The following XXYLT1 variants were observed in gnomAD, a reference collection of about 807,000 sequenced individuals.
XXYLT1 encodes the protein xyloside xylosyltransferase 1.
A neutral mutation model predicts 28.9 loss-of-function variants in XXYLT1; 20 were observed. That is an observed-to-expected ratio of 0.69 (90% CI 0.49 to 1.00). The LOEUF (loss-of-function observed/expected upper bound fraction) is 1.00, where lower values mean the gene tolerates loss of function less well. Among genes scored for constraint, XXYLT1 ranks in the 50% least tolerant of loss-of-function variants. The pLI is 0.00. For synonymous variants in XXYLT1, 257 were observed against 253.8 expected (o/e 1.01, Z -0.12); for missense variants, 542 against 560.1 (o/e 0.97, Z 0.33).
rs371282796 is a variant in XXYLT1 at position 195,108,000 on chromosome 3, T to A, written c.786-37889A>T. Among the ~76,000 whole-genome samples the A allele has an allele frequency of 2.0e-4, 31 of 152,308 alleles. No homozygotes were observed. In the East Asian group the frequency reaches 3.5e-3, roughly 17 times the overall value. ...ACACAACTCTGATGCCATTCGGCTC[T>A]CATGCAGTTGAACCGTGTCAGATGA... On this transcript the variant is annotated intron_variant, in intron 3 of 3. Coordinates refer to ENST00000310380, the MANE Select transcript of XXYLT1 (RefSeq NM_152531.5).
chr3:195,270,949 G>C lies in XXYLT1; in HGVS notation c.110C>G (p.Ala37Gly). 6.7e-7 allele frequency: 1 copy of C among 1,488,934 alleles called. No homozygotes were observed. The highest frequency in any genetic ancestry group is 8.9e-7 in the Non-Finnish European group (1 of 1,121,960). The allele number at this position is 1,488,934 out of a possible 1,614,324, so 92.2% of individuals were successfully genotyped here. ...LLLAAALAVC[A>G]FYYLGSGRET... The stretch of plus-strand genomic sequence containing the variant: ...CCGGCCTGAGCCGAGGTAGTAGAAG[G>C]CGCAGACGGCCAGCGCCGCGGCCAG... Residue 37 changes from alanine to glycine, a missense_variant, in exon 1 of 4, where the codon GCC becomes GGC. Ala to Gly is a moderately conservative substitution (Grantham distance 60). Transcript: ENST00000310380.
chr3:195,247,938 A>G, intron 1 of XXYLT1: 2 of 597,030 alleles, frequency 3.3e-6, no homozygotes, highest in Non-Finnish European at 6.1e-6. Flanking sequence ...GCAGGGAGGA[A>G]GTCCCGCCCC....
At chr3:195,235,248 T>C (rs1009043030) in intron 1 of XXYLT1, among the ~76,000 whole-genome samples, 3 of 152,126 alleles carry the variant, frequency 2.0e-5, no homozygotes, top group Non-Finnish European at 2.9e-5. Context: ...ACATAGCCTC[T>C]TAAAGTTTAC....
chr3:195,206,760 C>T (rs12493888), intron 2 of XXYLT1, among the ~76,000 whole-genome samples: 4,574 of 150,188 alleles, frequency 0.03, 138 homozygotes, highest in East Asian at 0.1. Flanking sequence ...AGCAAGACTC[C>T]GTCTCAAAAA....
At chr3:195,217,845 C>T (rs1420770560) in intron 2 of XXYLT1, among the ~76,000 whole-genome samples, 22 of 143,484 alleles carry the variant, frequency 1.5e-4, no homozygotes, top group South Asian at 1.1e-3. Context: ...AAAAAGAGCC[C>T]GCATCGCCAA....
chr3:195,207,339 C>T (rs1723116754), intron 2 of XXYLT1: 2 of 382,792 alleles, frequency 5.2e-6, no homozygotes, highest in Admixed American at 6.2e-5. Flanking sequence ...CAGGAGGGCT[C>T]CAGGAAACAG....
chr3:195,202,903 T>C (rs1224103191), intron 2 of XXYLT1, among the ~76,000 whole-genome samples: 1 of 152,170 alleles, frequency 6.6e-6, no homozygotes, highest in Non-Finnish European at 1.5e-5. Flanking sequence ...TTTTTAATAA[T>C]CTTGGAATGA....
chr3:195,081,448 G>A (rs1421317187), intron 3 of XXYLT1, among the ~76,000 whole-genome samples: 1 of 152,174 alleles, frequency 6.6e-6, no homozygotes, highest in Admixed American at 6.5e-5. Context: ...GGGAGGCCCA[G>A]CTCCGCCACC....
intron 3 of XXYLT1, among the ~76,000 whole-genome samples, chr3:195,117,084 T>A (rs551384480): frequency 6.8e-6 from 1 of 147,820 alleles, no homozygotes; most frequent in Non-Finnish European, 1.5e-5. Flanking sequence ...GGGAAAACAA[T>A]CTGGAAACAT....
intron 3 of XXYLT1, among the ~76,000 whole-genome samples, chr3:195,106,361 T>TGTTGTGTTTTTGATGGA (rs1560097414): frequency 9.9e-5 from 15 of 152,196 alleles, no homozygotes; most frequent in African/African-American, 3.4e-4. Flanking sequence ...GAGATGCTCT[T>TGTTGTGTTTTTGATGGA]GCTCCGCACT....
chr3:195,150,194 A>G lies in XXYLT1; in HGVS notation c.785+6255T>C, dbSNP rs1720118043. Reference sequence around the variant, plus strand: ...TCGTGCTAGGCACCATAAATACATTATCTGATTCAATCTCCCTCAACTCTG... The same window carrying G: ...TCGTGCTAGGCACCATAAATACATTGTCTGATTCAATCTCCCTCAACTCTG... On this transcript the variant is annotated intron_variant, in intron 3 of 3. Transcript: ENST00000310380. This position sits in a 1 kb window ranked among gnomAD's most constrained non-coding sequence, Gnocchi z 4.7. Among the ~76,000 whole-genome samples the G allele has an allele frequency of 6.6e-6, 1 of 152,202 alleles. No individual in the cohort carries two copies. Among genetic ancestry groups the G allele is most frequent in the Non-Finnish European group, 1.5e-5 (1 of 68,036 alleles).
intron 3 of XXYLT1, among the ~76,000 whole-genome samples, chr3:195,138,857 GAAA>G (rs552573280): frequency 1.6e-3 from 131 of 84,164 alleles, no homozygotes; most frequent in African/African-American, 5.4e-3. Flanking sequence ...TCTGCCTCAG[GAAA>G]AAAAAAAAAA....
At chr3:195,160,624 T>G (rs1457309511) in intron 2 of XXYLT1, among the ~76,000 whole-genome samples, 2 of 152,212 alleles carry the variant, frequency 1.3e-5, no homozygotes, top group East Asian at 3.8e-4. Flanking sequence ...ACCTCTGGCC[T>G]GCGGGAGCCA....
intron 2 of XXYLT1, among the ~76,000 whole-genome samples, chr3:195,160,537 T>C (rs1720818349): frequency 6.6e-6 from 1 of 152,206 alleles, no homozygotes. Flanking sequence ...ATTTTCCCAT[T>C]GTCCACTTTG....
At position 195,270,746 on chromosome 3, in the gene XXYLT1, A is replaced by G. The variant is rs1315271992; in HGVS notation, c.313T>C (p.Phe105Leu). Reference protein sequence around the residue: ...GPVDYHLLMMFTKAEHNAALQ... With the variant: ...GPVDYHLLMMLTKAEHNAALQ... ...GCGGCATTGTGCTCCGCCTTGGTGA[A>G]CATCATCAGCAGGTGGTAGTCCACC... The change falls in exon 1 of 4, where the codon TTC becomes CTC. Residue 105 changes from phenylalanine to leucine, a missense_variant. By Grantham distance (22) the Phe-to-Leu change is conservative. Transcript: ENST00000310380. 3 of 1,588,680 alleles carry G rather than the reference A, an allele frequency of 1.9e-6. No individual in the cohort carries two copies. The highest frequency in any genetic ancestry group is 2.6e-6 in the Non-Finnish European group (3 of 1,171,624).
At chr3:195,169,867 A>T (rs569436051) in intron 2 of XXYLT1, among the ~76,000 whole-genome samples, 2,629 of 124,380 alleles carry the variant, frequency 0.021, 28 homozygotes, top group African/African-American at 0.044. Flanking sequence ...ATATATATAT[A>T]TATTTTTTTT....
chr3:195,131,233 G>A (rs889489732), intron 3 of XXYLT1, among the ~76,000 whole-genome samples: 2 of 152,142 alleles, frequency 1.3e-5, no homozygotes, highest in Admixed American at 6.5e-5. Context: ...CTCAGAAGCC[G>A]AACCACCCTC....
rs1310399528 is a variant in XXYLT1, at chr3:195,240,645, C to T, written c.505-13789G>A. Among the ~76,000 whole-genome samples, 2 of 152,238 alleles carry T rather than the reference C, an allele frequency of 1.3e-5. No individual in the cohort carries two copies. Among genetic ancestry groups the T allele is most frequent in the Non-Finnish European group, 1.5e-5 (1 of 68,046 alleles). Reference sequence around the variant, plus strand: ...GGCCACAGACAGCAACGCCACAGGTCGGCCGGAGGCCAAGGGTTCACCCAT... The same window carrying T: ...GGCCACAGACAGCAACGCCACAGGTTGGCCGGAGGCCAAGGGTTCACCCAT... On this transcript the variant is annotated intron_variant, in intron 1 of 3. Transcript: ENST00000310380. This position sits in a 1 kb window ranked among gnomAD's most constrained non-coding sequence, Gnocchi z 4.7.
intron 1 of XXYLT1, among the ~76,000 whole-genome samples, chr3:195,248,907 G>A (rs1221054933): frequency 6.6e-6 from 1 of 152,144 alleles, no homozygotes; most frequent in Non-Finnish European, 1.5e-5. Context: ...GGGACAGAGT[G>A]AGACTCTGTC....
Sources: gnomAD v4.1 joint callset for allele counts (sites outside exome capture counted in the v4.1 genomes callset) on GRCh38, gnomAD v4.1.1 for gene constraint, Gnocchi (gnomAD v3.1) non-coding constraint, MANE v1.5 for transcripts, NCBI Gene and HGNC (gene_info 2026-07-23, HGNC 2026-07-21) for gene names.